Variants in VAPB observed in about 807,000 individuals in gnomAD.
The protein encoded by VAPB is vesicle-associated membrane protein-associated protein B/C.
Under a neutral mutation model 25.6 loss-of-function variants are expected in VAPB, and 7 were observed. The ratio of observed to expected loss-of-function variants is 0.27; its 90% CI spans 0.16 to 0.51. VAPB has a LOEUF of 0.51. Among genes scored for constraint, VAPB ranks in the 20% least tolerant of loss-of-function variants. The probability of loss-of-function intolerance (pLI) is 0.97; values close to 1 mark genes in which losing one functional copy is unlikely to be tolerated. For missense variants in VAPB, 266 were observed against 301.3 expected (o/e 0.88, Z 0.87); for synonymous variants, 112 against 109.2 (o/e 1.03, Z -0.16).
At chr20:58,402,230 A>C (rs114719126) in intron 1 of VAPB, among the ~76,000 whole-genome samples, 1 of 152,026 alleles carries the variant, frequency 6.6e-6, no homozygotes, top group East Asian at 1.9e-4. Context: ...GTCTTTCCTC[A>C]TGCTTGTGTT....
intron 1 of VAPB, among the ~76,000 whole-genome samples, chr20:58,400,642 T>C (rs893217505): frequency 3.3e-5 from 5 of 152,260 alleles, no homozygotes; most frequent in Non-Finnish European, 7.3e-5. Flanking sequence ...GTAGACTACA[T>C]AGACTACATT....
chr20:58,421,346 A>AT, intron 2 of VAPB, among the ~76,000 whole-genome samples: 1 of 152,344 alleles, frequency 6.6e-6, no homozygotes, highest in African/African-American at 2.4e-5. Context: ...AAGAAGGTGG[A>AT]TTGCATAATA....
Position 58,449,164 on chromosome 20 carries a change from C to T in VAPB, c.*4929C>T, listed in dbSNP as rs761438209. 20 of 454,120 alleles carry T rather than the reference C, an allele frequency of 4.4e-5. No homozygotes were observed. The highest frequency in any genetic ancestry group is 6.9e-4 in the Middle Eastern group (1 of 1,444). The allele number at this position is 454,120 out of a possible 1,614,324, so 28.1% of individuals were successfully genotyped here. A position where few individuals can be genotyped will look rare whatever the true frequency, so the allele number is the denominator to read the frequency against. On this transcript the variant is annotated 3_prime_UTR_variant, in exon 6 of 6. Transcript: ENST00000475243. Reference sequence around the variant, plus strand: ...TGGGTCTGCCCCCAGCTTCACAGACCTCTTCCTCCAGCCTCTGAATCCCAT... The same window carrying T: ...TGGGTCTGCCCCCAGCTTCACAGACTTCTTCCTCCAGCCTCTGAATCCCAT...
rs901316396 is a variant in VAPB, at chr20:58,449,495, G to C, written c.*5260G>C. On this transcript the variant is annotated 3_prime_UTR_variant, in exon 6 of 6. Transcript: ENST00000475243. ...ATTAGAAAATGTCTGTGTTAAATCC[G>C]TAGAAAAGGAAGAAAAGTGTAGCAA... 1.1e-5 allele frequency: 5 copies of C among 453,066 alleles called. No homozygotes were observed. In the Admixed American group the frequency reaches 1.2e-4, roughly 11 times the overall value. 28.1% of individuals were successfully genotyped at this position (453,066 alleles called of 1,614,324 possible). A position where few individuals can be genotyped will look rare whatever the true frequency, so the allele number is the denominator to read the frequency against.
chr20:58,418,065 C>A, intron 1 of VAPB, 146 bp from the exon 2 acceptor site: 1 of 1,103,288 alleles, frequency 9.1e-7, no homozygotes, highest in Non-Finnish European at 1.4e-6. Context: ...GCATTAACCT[C>A]AGCTCATCTC....
In VAPB at chr20:58,448,506, A is replaced by G. The variant is rs4549163; in HGVS notation, c.*4271A>G. On this transcript the variant is annotated 3_prime_UTR_variant, in exon 6 of 6. Transcript: ENST00000475243. ...GATGGCTCTGTTTGCATACGAAGAA[A>G]TAAAGGCTCCAGGAGGTTAAATCGG... The G allele has an allele frequency of 0.13, 60,217 of 453,976 alleles. 4,538 individuals carry two copies. The highest frequency in any genetic ancestry group is 0.24 in the African/African-American group (11,957 of 50,046). 28.1% of individuals were successfully genotyped at this position (453,976 alleles called of 1,614,324 possible).
chr20:58,398,835 T>A (rs1393851768), intron 1 of VAPB, among the ~76,000 whole-genome samples: 1 of 151,264 alleles, frequency 6.6e-6, no homozygotes, highest in East Asian at 1.9e-4. Context: ...AATCAAGATC[T>A]GTCTGATTGC....
At chr20:58,443,553 A>G (rs1184114650) in intron 5 of VAPB, among the ~76,000 whole-genome samples, 1 of 151,938 alleles carries the variant, frequency 6.6e-6, no homozygotes, top group Non-Finnish European at 1.5e-5. Flanking sequence ...CTCCCAAAGT[A>G]CAGGGATTAC....
intron 1 of VAPB, among the ~76,000 whole-genome samples, chr20:58,401,528 C>A (rs1050029255): frequency 6.6e-6 from 1 of 152,180 alleles, no homozygotes; most frequent in African/African-American, 2.4e-5. Context: ...CTCATTGACA[C>A]TCTTCTCTTG....
chr20:58,397,906 G>C (rs1253507928), intron 1 of VAPB, among the ~76,000 whole-genome samples: 2 of 152,144 alleles, frequency 1.3e-5, no homozygotes, highest in African/African-American at 4.8e-5. Context: ...TTGGGAAGTC[G>C]TCATTTTCCA....
intron 1 of VAPB, among the ~76,000 whole-genome samples, chr20:58,414,710 G>A (rs974624638): frequency 1.4e-5 from 2 of 139,036 alleles, no homozygotes; most frequent in African/African-American, 5.0e-5. Flanking sequence ...ATGGGATGGC[G>A]GCCGGTCGGA....
chr20:58,395,005 C>T (rs1987912782), intron 1 of VAPB, among the ~76,000 whole-genome samples: 1 of 152,238 alleles, frequency 6.6e-6, no homozygotes, highest in South Asian at 2.1e-4. Flanking sequence ...AGAACTTTGA[C>T]CCTGTGTTAT....
At position 58,448,070 on chromosome 20, in the gene VAPB, C is replaced by T. The variant is rs1021616730; in HGVS notation, c.*3835C>T. ...AACCAAACTGAACTATGAAAAGTTA[C>T]CACTCTGAGGAGACCTCTCTTAATT... On this transcript the variant is annotated 3_prime_UTR_variant, in exon 6 of 6. Coordinates refer to ENST00000475243, the MANE Select transcript of VAPB (RefSeq NM_004738.5). The T allele has an allele frequency of 2.2e-6, 1 of 453,944 alleles. No individual in the cohort carries two copies. The highest frequency in any genetic ancestry group is 2.0e-5 in the African/African-American group (1 of 50,068). The allele number at this position is 453,944 out of a possible 1,614,324, so 28.1% of individuals were successfully genotyped here.
chr20:58,435,297 AAG>A (rs1491467527), intron 3 of VAPB, among the ~76,000 whole-genome samples: 4 of 152,182 alleles, frequency 2.6e-5, no homozygotes, highest in South Asian at 2.1e-4. Context: ...AAAAAAAAAA[AAG>A]AGTATAATGG....
chr20:58,402,872 G>A (rs935042957), intron 1 of VAPB, among the ~76,000 whole-genome samples: 1 of 152,162 alleles, frequency 6.6e-6, no homozygotes, highest in African/African-American at 2.4e-5. Context: ...TGGTGTGGTG[G>A]TGCATGCCCA....
intron 1 of VAPB, among the ~76,000 whole-genome samples, chr20:58,414,983 G>T (rs146899375): frequency 0.1 from 15,660 of 152,068 alleles, 294 homozygotes; most frequent in Middle Eastern, 0.16. Flanking sequence ...GGCACGTCGG[G>T]AGGCCGAGGC....
At chr20:58,425,590 T>C (rs1368982024) in intron 2 of VAPB, among the ~76,000 whole-genome samples, 1 of 152,128 alleles carries the variant, frequency 6.6e-6, no homozygotes, top group East Asian at 1.9e-4. Context: ...AGTCTCCCAA[T>C]AAAGTAAGGT....
Position 58,445,665 on chromosome 20 carries a change from C to T in VAPB, c.*1430C>T, listed in dbSNP as rs1459896656. ...AAATGAGCCCTATCACTGAGAAATACGTGTTTCATGATTTAACTCTGTGTG... is the reference window on the plus strand; with the variant it reads ...AAATGAGCCCTATCACTGAGAAATATGTGTTTCATGATTTAACTCTGTGTG... On this transcript the variant is annotated 3_prime_UTR_variant, in exon 6 of 6. Transcript: ENST00000475243. 8.9e-6 allele frequency: 4 copies of T among 451,878 alleles called. No individual in the cohort carries two copies. Among genetic ancestry groups the T allele is most frequent in the African/African-American group, 4.1e-5 (2 of 48,992 alleles). 28.0% of individuals were successfully genotyped at this position (451,878 alleles called of 1,614,324 possible).
intron 3 of VAPB, among the ~76,000 whole-genome samples, chr20:58,437,119 A>G (rs1452868550): frequency 6.9e-6 from 1 of 145,112 alleles, no homozygotes; most frequent in Non-Finnish European, 1.5e-5. Context: ...CAGGCATGCC[A>G]CCATGCCGGC....
Sources: gnomAD v4.1 joint callset for allele counts (sites outside exome capture counted in the v4.1 genomes callset) on GRCh38, gnomAD v4.1.1 for gene constraint, MANE v1.5 for transcripts, NCBI Gene and HGNC (gene_info 2026-07-23, HGNC 2026-07-21) for gene names.